The following TIAM1 variants were observed in gnomAD, a reference collection of about 807,000 sequenced individuals.
TIAM1 encodes the protein TIAM Rac1 associated GEF 1.
TIAM1 carries 65 observed loss-of-function variants against 163.5 expected under a neutral mutation model. The observed-to-expected ratio is 0.40, with a 90% CI of 0.33 to 0.49. The LOEUF is 0.49. TIAM1 is among the 20% of genes least tolerant of loss of function. TIAM1 has a pLI of 0.77. For synonymous variants in TIAM1, 833 were observed against 810.1 expected (o/e 1.03, Z -0.48); for missense variants, 1,789 against 2,044.7 (o/e 0.87, Z 2.41).
At chr21:31,542,153 C>T (rs557993359) in intron 1 of TIAM1, among the ~76,000 whole-genome samples, 40 of 152,228 alleles carry the variant, frequency 2.6e-4, no homozygotes, top group African/African-American at 8.2e-4. Flanking sequence ...AGGCCAGGTG[C>T]GGTGGCTCAC....
chr21:31,468,355 T>A (rs927961521), intron 1 of TIAM1, among the ~76,000 whole-genome samples: 11 of 151,468 alleles, frequency 7.3e-5, no homozygotes, highest in African/African-American at 2.4e-4. Flanking sequence ...TGGTGGTGCA[T>A]GCCTGTAATC....
intron 1 of TIAM1, among the ~76,000 whole-genome samples, chr21:31,513,408 C>T (rs1198336122): frequency 6.6e-6 from 1 of 152,134 alleles, no homozygotes; most frequent in Non-Finnish European, 1.5e-5. Context: ...ATCTCAGGTG[C>T]CCCTGTTCGC....
At chr21:31,373,744 G>A (rs993011607) in intron 2 of TIAM1, among the ~76,000 whole-genome samples, 3 of 152,140 alleles carry the variant, frequency 2.0e-5, no homozygotes, top group Non-Finnish European at 2.9e-5. Context: ...GAGTTAAAGA[G>A]AAAGCTGATG....
At chr21:31,491,842 A>G (rs1010206336) in intron 1 of TIAM1, among the ~76,000 whole-genome samples, 3 of 152,232 alleles carry the variant, frequency 2.0e-5, no homozygotes, top group Non-Finnish European at 2.9e-5. Flanking sequence ...TGGGGGAGAC[A>G]GTGCTAGATA....
intron 1 of TIAM1, among the ~76,000 whole-genome samples, chr21:31,480,178 C>T (rs541620527): frequency 1.3e-5 from 2 of 152,312 alleles, no homozygotes; most frequent in South Asian, 4.1e-4. Flanking sequence ...GGTTCAGCCT[C>T]CAAGAGCAGC....
rs866295223 is a variant in TIAM1 at position 31,438,066 on chromosome 21, G to A, written c.-369+25917C>T. Among the ~76,000 whole-genome samples the A allele has an allele frequency of 2.0e-5, 3 of 151,736 alleles. No homozygotes were observed. The South Asian group carries it at 6.3e-4, about 32-fold the overall frequency. On this transcript the variant is annotated intron_variant, in intron 2 of 28. Transcript: ENST00000286827. ...GCTGCAGGAATTCATGAATGGAGCA[G>A]CTACCCTCATCAACTACTTTTTACT...
At position 31,339,347 on chromosome 21, in the gene TIAM1, G is replaced by A. The variant is rs1344701825; in HGVS notation, c.-293C>T. On this transcript the variant is annotated 5_prime_UTR_variant, in exon 2 of 28. Transcript: ENST00000541036. ...CTAGGATTCAGAGCATTATGCCCATGGTACCAACCAGCCTCCTCTTCCTCC... is the reference window on the plus strand; with the variant it reads ...CTAGGATTCAGAGCATTATGCCCATAGTACCAACCAGCCTCCTCTTCCTCC... 2.5e-6 allele frequency: 1 copy of A among 398,462 alleles called. No individual in the cohort carries two copies. The highest frequency in any genetic ancestry group is 4.4e-6 in the Non-Finnish European group (1 of 226,100). 24.7% of individuals were successfully genotyped at this position (398,462 alleles called of 1,614,324 possible). A position where few individuals can be genotyped will look rare whatever the true frequency, so the allele number is the denominator to read the frequency against.
intron 16 of TIAM1, among the ~76,000 whole-genome samples, chr21:31,157,203 C>T (rs934489142): frequency 6.6e-6 from 1 of 152,056 alleles, no homozygotes; most frequent in Non-Finnish European, 1.5e-5. Context: ...TAAATGTAAG[C>T]CAGATATCCA....
chr21:31,435,734 A>T (rs1156897438), intron 2 of TIAM1, among the ~76,000 whole-genome samples: 3 of 152,180 alleles, frequency 2.0e-5, no homozygotes, highest in Non-Finnish European at 4.4e-5. Context: ...TCTCCAATGC[A>T]ACAATGTTGA....
intron 1 of TIAM1, among the ~76,000 whole-genome samples, chr21:31,480,388 G>C (rs1443501193): frequency 6.6e-6 from 1 of 152,318 alleles, no homozygotes. Flanking sequence ...GGAATTAACT[G>C]TCTCTGTCCT....
chr21:31,387,573 T>C (rs1011778571), intron 2 of TIAM1, among the ~76,000 whole-genome samples: 2 of 151,704 alleles, frequency 1.3e-5, no homozygotes, highest in Admixed American at 1.3e-4. Flanking sequence ...CTTCTGACGA[T>C]GTTGGGAAGG....
At chr21:31,442,560 G>A (rs1339890848) in intron 2 of TIAM1, among the ~76,000 whole-genome samples, 1 of 152,134 alleles carries the variant, frequency 6.6e-6, no homozygotes, top group Non-Finnish European at 1.5e-5. Flanking sequence ...TTGCAAAACT[G>A]GCCTAACAGA....
At chr21:31,165,460 C>T (rs2084164036) in intron 15 of TIAM1, among the ~76,000 whole-genome samples, 1 of 151,974 alleles carries the variant, frequency 6.6e-6, no homozygotes, top group African/African-American at 2.4e-5. Flanking sequence ...AGATAGAAAC[C>T]AGAGTTCGTT....
intron 2 of TIAM1, among the ~76,000 whole-genome samples, chr21:31,357,681 T>G (rs1267004338): frequency 6.6e-6 from 1 of 152,228 alleles, no homozygotes; most frequent in African/African-American, 2.4e-5. Context: ...GTTCCCTTAT[T>G]TTCCCCATTC....
chr21:31,417,063 C>A (rs1182713161), intron 2 of TIAM1, among the ~76,000 whole-genome samples: 2 of 152,184 alleles, frequency 1.3e-5, no homozygotes, highest in Non-Finnish European at 2.9e-5. Context: ...ACTCTTGTTG[C>A]CCAGGCTGGA....
chr21:31,152,521 C>T, intron 19 of TIAM1, 115 bp downstream of exon 19: 2 of 1,391,482 alleles, frequency 1.4e-6, no homozygotes, highest in Non-Finnish European at 2.0e-6. Context: ...CCCTCTCAGA[C>T]ACCCTTAGGA....
intron 3 of TIAM1, among the ~76,000 whole-genome samples, chr21:31,271,913 A>G (rs946802247): frequency 6.6e-5 from 10 of 152,294 alleles, no homozygotes; most frequent in African/African-American, 2.4e-4. Flanking sequence ...TCTTAAAGTG[A>G]TAAGTTAAAC....
At chr21:31,501,130 T>G (rs1443268940) in intron 1 of TIAM1, among the ~76,000 whole-genome samples, 1 of 152,130 alleles carries the variant, frequency 6.6e-6, no homozygotes, top group Non-Finnish European at 1.5e-5. Context: ...TCGCCACCAT[T>G]TGGGGTTAAT....
chr21:31,205,330 C>G (rs1345675339), intron 11 of TIAM1, among the ~76,000 whole-genome samples: 1 of 152,110 alleles, frequency 6.6e-6, no homozygotes, highest in Non-Finnish European at 1.5e-5. Context: ...GTAACAGGAA[C>G]AAATTCACTT....
Sources: gnomAD v4.1 joint callset for allele counts (sites outside exome capture counted in the v4.1 genomes callset) on GRCh38, gnomAD v4.1.1 for gene constraint, MANE v1.5 for transcripts, NCBI Gene and HGNC (gene_info 2026-07-23, HGNC 2026-07-21) for gene names.